MAFK: variants seen among roughly 807,000 people sequenced by gnomAD.
The protein encoded by MAFK is transcription factor MafK.
MAFK carries 1 observed loss-of-function variant against 9.2 expected under a neutral mutation model. That is an observed-to-expected ratio of 0.11 (90% CI 0.04 to 0.52). The LOEUF is 0.52. Ranked by LOEUF, MAFK falls within the 20% of genes least tolerant of loss-of-function variation. The probability of loss-of-function intolerance (pLI) is 0.94; values close to 1 mark genes in which losing one functional copy is unlikely to be tolerated. For synonymous variants in MAFK, 110 were observed against 107.4 expected, an observed-to-expected ratio of 1.02 and a Z score of -0.15; for missense variants, 207 against 236.0, an observed-to-expected ratio of 0.88 and a Z score of 0.81.
At chr7:1,531,437 A>G (rs986617202) in intron 1 of MAFK, among the ~76,000 whole-genome samples, 1 of 151,964 alleles carries the variant, frequency 6.6e-6, no homozygotes, top group African/African-American at 2.4e-5. Flanking sequence ...GTGCCCGGGA[A>G]CGGGGTGGGG....
rs1211438599 is a variant in MAFK at position 1,534,965 on chromosome 7, G to T, written c.-45+4067G>T. ...GTCACTCAGGCTGCTGGAGTGCAGT[G>T]GTGTGATCACAGCTCACTGCAATCT... is the stretch of plus-strand genomic sequence containing the variant. On this transcript the variant is annotated intron_variant, in intron 1 of 2. Coordinates refer to ENST00000343242, the MANE Select transcript of MAFK (RefSeq NM_002360.4). This position sits in a 1 kb window ranked among gnomAD's most constrained non-coding sequence, Gnocchi z 4.3. 6.6e-6 allele frequency among the ~76,000 whole-genome samples: 1 copy of T among 151,938 alleles called. No individual in the cohort carries two copies. The highest frequency in any genetic ancestry group is 1.9e-4 in the East Asian group (1 of 5,200).
Position 1,534,817 on chromosome 7 carries a change from A to C in MAFK, c.-45+3919A>C. ...GAAGAATCAGAGCCCCAAAGCTGAAATCCCCGTTTCTCTATGGGCATCCAC... is the reference window on the plus strand; with the variant it reads ...GAAGAATCAGAGCCCCAAAGCTGAACTCCCCGTTTCTCTATGGGCATCCAC... On this transcript the variant is annotated intron_variant, in intron 1 of 2. Coordinates refer to ENST00000343242, the MANE Select transcript of MAFK (RefSeq NM_002360.4). The surrounding 1 kb of genome is among the most constrained non-coding windows in gnomAD (Gnocchi z 4.3). 1 of 353,892 alleles carries C rather than the reference A, an allele frequency of 2.8e-6. No individual in the cohort carries two copies. Among genetic ancestry groups the C allele is most frequent in the South Asian group, 2.1e-5 (1 of 48,606 alleles). 21.9% of individuals were successfully genotyped at this position (353,892 alleles called of 1,614,324 possible).
At chr7:1,538,190 G>A (rs929873569) in intron 1 of MAFK, 8 of 836,174 alleles carry the variant, frequency 9.6e-6, no homozygotes, top group Non-Finnish European at 1.2e-5. Context: ...GCTCATGCCG[G>A]GGATGCTTTG....
chr7:1,535,085 C>CTTTTTT (rs59057812), intron 1 of MAFK, among the ~76,000 whole-genome samples: 1 of 111,952 alleles, frequency 8.9e-6, no homozygotes. Flanking sequence ...ATTTAAAATT[C>CTTTTTT]TTTTTTTTTT....
At chr7:1,539,107 C>T in intron 1 of MAFK, 42 bp from the exon 2 acceptor site, 6 of 1,536,618 alleles carry the variant, frequency 3.9e-6, no homozygotes, top group Non-Finnish European at 5.4e-6. Context: ...GCGCTGCCGG[C>T]CCTGACCTGT....
In MAFK at chr7:1,542,540, G is replaced by A. The variant is rs1784219790; in HGVS notation, c.*2165G>A. 6.6e-6 allele frequency: 1 copy of A among 152,314 alleles called. No individual in the cohort carries two copies. Among genetic ancestry groups the A allele is most frequent in the Non-Finnish European group, 1.5e-5 (1 of 68,066 alleles). 9.4% of individuals were successfully genotyped at this position (152,314 alleles called of 1,614,324 possible). A position where few individuals can be genotyped will look rare whatever the true frequency, so the allele number is the denominator to read the frequency against. ...TGCCCTTGGCCTGCAGTGCTTTGCT[G>A]GAGAAGGGACTCCCTGGTCCCCAGG... On this transcript the variant is annotated 3_prime_UTR_variant, in exon 3 of 3. Coordinates refer to ENST00000343242, the MANE Select transcript of MAFK (RefSeq NM_002360.4).
rs1224115384 is a variant in MAFK, at chr7:1,539,033, G to A, written c.-44-116G>A. 1.9e-5 allele frequency: 15 copies of A among 779,240 alleles called. No homozygotes were observed. In the East Asian group the frequency reaches 3.4e-4, roughly 18 times the overall value. 48.3% of individuals were successfully genotyped at this position (779,240 alleles called of 1,614,324 possible). A position where few individuals can be genotyped will look rare whatever the true frequency, so the allele number is the denominator to read the frequency against. Reference sequence around the variant, plus strand: ...GGATGGTGCCCCGTCTTGTTTTCATGGTGCTGTGACTGTCCACCCCGGGCT... The same window carrying A: ...GGATGGTGCCCCGTCTTGTTTTCATAGTGCTGTGACTGTCCACCCCGGGCT... On this transcript the variant is annotated intron_variant, in intron 1 of 2. Coordinates refer to ENST00000343242, the MANE Select transcript of MAFK (RefSeq NM_002360.4).
chr7:1,539,912 G>C, intron 2 of MAFK, 29 bp from the exon 3 acceptor site: 1 of 1,482,230 alleles, frequency 6.7e-7, no homozygotes, highest in East Asian at 2.5e-5. Flanking sequence ...ACGTTCTCCC[G>C]CCGCTGACCC....
rs1278865975 is a variant in MAFK, at chr7:1,542,949, C to G, written c.*2574C>G. The stretch of plus-strand genomic sequence containing the variant: ...CCCGTGTCTGGCCGCCGCCGCCCTG[C>G]CCCGTCCCTGCGGCCACCACCTAAT... On this transcript the variant is annotated 3_prime_UTR_variant, in exon 3 of 3. Coordinates refer to ENST00000343242, the MANE Select transcript of MAFK (RefSeq NM_002360.4). 6.5e-6 allele frequency: 1 copy of G among 152,716 alleles called. No individual in the cohort carries two copies. The highest frequency in any genetic ancestry group is 1.5e-5 in the Non-Finnish European group (1 of 68,088). The allele number at this position is 152,716 out of a possible 1,614,324, so 9.5% of individuals were successfully genotyped here.
intron 1 of MAFK, among the ~76,000 whole-genome samples, chr7:1,533,164 TCTG>T (rs1176225032): frequency 2.0e-5 from 3 of 152,042 alleles, no homozygotes; most frequent in African/African-American, 7.3e-5. Context: ...GGCCATGAGG[TCTG>T]CTGGCCTGTC....
At position 1,540,625 on chromosome 7, in the gene MAFK, G is replaced by A. The variant is rs1784156612; in HGVS notation, c.*250G>A. The A allele has an allele frequency of 3.9e-6, 2 of 512,516 alleles. No individual in the cohort carries two copies. The highest frequency in any genetic ancestry group is 5.2e-5 in the South Asian group (2 of 38,266). 31.7% of individuals were successfully genotyped at this position (512,516 alleles called of 1,614,324 possible). On this transcript the variant is annotated 3_prime_UTR_variant, in exon 3 of 3. Transcript: ENST00000343242. Reference sequence around the variant, plus strand: ...CACCTGCTCCCCGCAGGATGTGTCTGTGTGTGGGAATTGGTATCTTGCACC... The same window carrying A: ...CACCTGCTCCCCGCAGGATGTGTCTATGTGTGGGAATTGGTATCTTGCACC...
chr7:1,535,678 A>G (rs1389938380), intron 1 of MAFK, among the ~76,000 whole-genome samples: 1 of 152,146 alleles, frequency 6.6e-6, no homozygotes, highest in Non-Finnish European at 1.5e-5. Flanking sequence ...GGAAAACATG[A>G]TCCTCCAGAA....
At chr7:1,531,539 G>T (rs1455698949) in intron 1 of MAFK, among the ~76,000 whole-genome samples, 1 of 152,236 alleles carries the variant, frequency 6.6e-6, no homozygotes, top group Non-Finnish European at 1.5e-5. Flanking sequence ...GCCGTGGGGA[G>T]GCGGGAGGGG....
Position 1,540,820 on chromosome 7 carries a change from T to G in MAFK, c.*445T>G. The G allele has an allele frequency of 5.9e-6, 1 of 169,984 alleles. No individual in the cohort carries two copies. Among genetic ancestry groups the G allele is most frequent in the Non-Finnish European group, 1.2e-5 (1 of 80,040 alleles). 10.5% of individuals were successfully genotyped at this position (169,984 alleles called of 1,614,324 possible). A position where few individuals can be genotyped will look rare whatever the true frequency, so the allele number is the denominator to read the frequency against. On this transcript the variant is annotated 3_prime_UTR_variant, in exon 3 of 3. Transcript: ENST00000343242. ...CTTCGACACCTGTCCTGCCACGGCC[T>G]CCCAGCCGGTGCGGGAGCCCCTCAC... is the stretch of plus-strand genomic sequence containing the variant.
chr7:1,536,130 C>G (rs1004284325), intron 1 of MAFK, among the ~76,000 whole-genome samples: 2 of 152,228 alleles, frequency 1.3e-5, no homozygotes, highest in African/African-American at 2.4e-5. Flanking sequence ...GCGCTGCTCC[C>G]GGGACGTGGG....
rs1355846285 is a variant in MAFK at position 1,532,361 on chromosome 7, T to A, written c.-45+1463T>A. The stretch of plus-strand genomic sequence containing the variant: ...CTATTTGGGCGTCCAGTGCCATTTA[T>A]GAGAACATCTCCCTTTCTTAGGTAA... On this transcript the variant is annotated intron_variant, in intron 1 of 2. Coordinates refer to ENST00000343242, the MANE Select transcript of MAFK (RefSeq NM_002360.4). This position sits in a 1 kb window ranked among gnomAD's most constrained non-coding sequence, Gnocchi z 4.5. Among the ~76,000 whole-genome samples the A allele has an allele frequency of 6.6e-6, 1 of 152,250 alleles. No homozygotes were observed. The highest frequency in any genetic ancestry group is 1.5e-5 in the Non-Finnish European group (1 of 68,042).
chr7:1,538,571 G>T, intron 1 of MAFK: 1 of 426,062 alleles, frequency 2.3e-6, no homozygotes, highest in Non-Finnish European at 3.1e-6. Flanking sequence ...CCCTCTCGGG[G>T]ATCCAGGCTG....
rs375943151 is a variant in MAFK at position 1,539,979 on chromosome 7, C to T, written c.75C>T (p.Ser25=). ...KEAGENAPVL[S]DDELVSMSVR... is the part of the protein sequence containing the mutation. ...CGGGCGAGAACGCCCCGGTGCTCAG[C>T]GATGATGAGCTGGTGTCCATGTCGG... The change falls in exon 3 of 3, where the codon AGC becomes AGT. Residue 25 remains serine, a synonymous_variant. Coordinates refer to ENST00000343242, the MANE Select transcript of MAFK (RefSeq NM_002360.4). 1.3e-5 allele frequency: 20 copies of T among 1,551,458 alleles called. 1 individual carries two copies. Among genetic ancestry groups the T allele is most frequent in the Admixed American group, 9.7e-5 (5 of 51,462 alleles).
rs550890516 is a variant in MAFK at position 1,532,864 on chromosome 7, A to G, written c.-45+1966A>G. Among the ~76,000 whole-genome samples the G allele has an allele frequency of 2.0e-5, 3 of 152,312 alleles. No homozygotes were observed. In the South Asian group the frequency reaches 6.2e-4, roughly 32 times the overall value. ...GTTTCGGGTCCAGTCCACACGGGAA[A>G]TGGAAATCTGGCCAGCTGAGAGAGG... is the stretch of plus-strand genomic sequence containing the variant. On this transcript the variant is annotated intron_variant, in intron 1 of 2. Transcript: ENST00000343242. This position sits in a 1 kb window ranked among gnomAD's most constrained non-coding sequence, Gnocchi z 4.5.
Sources: gnomAD v4.1 joint callset for allele counts (sites outside exome capture counted in the v4.1 genomes callset) on GRCh38, gnomAD v4.1.1 for gene constraint, Gnocchi (gnomAD v3.1) non-coding constraint, MANE v1.5 for transcripts, NCBI Gene and HGNC (gene_info 2026-07-23, HGNC 2026-07-21) for gene names.